The following MYLK4 variants were observed in gnomAD, a reference collection of about 807,000 sequenced individuals.
The protein encoded by MYLK4 is caMLCK like.
MYLK4 carries 46 observed loss-of-function variants against 48.1 expected under a neutral mutation model. The observed-to-expected ratio is 0.96, with a 90% CI of 0.75 to 1.22. The LOEUF is 1.22. MYLK4 is among the 50% of genes most tolerant of loss of function. The pLI is 0.00. For synonymous variants in MYLK4, 170 were observed against 180.8 expected (o/e 0.94, Z 0.48); for missense variants, 451 against 486.1 (o/e 0.93, Z 0.68).
At chr6:2,767,226 G>GA in the MYLK4 span, among the ~76,000 whole-genome samples, 1 of 152,024 alleles carries the variant, frequency 6.6e-6, no homozygotes, top group Non-Finnish European at 1.5e-5. Flanking sequence ...AAACACTTGA[G>GA]AAAAAAATGG....
At chr6:2,677,029 A>G (rs928235785) in intron 10 of MYLK4, among the ~76,000 whole-genome samples, 2 of 152,074 alleles carry the variant, frequency 1.3e-5, no homozygotes. Context: ...GCACAATACT[A>G]GCCAAGGTTA....
chr6:2,717,505 T>C (rs916589277), intron 2 of MYLK4, among the ~76,000 whole-genome samples: 3 of 152,142 alleles, frequency 2.0e-5, no homozygotes, highest in Admixed American at 6.5e-5. Context: ...ACCCCCTAAG[T>C]GGGGCTGGTC....
At chr6:2,719,948 G>A (rs573525184) in intron 2 of MYLK4, among the ~76,000 whole-genome samples, 1 of 152,028 alleles carries the variant, frequency 6.6e-6, no homozygotes, top group African/African-American at 2.4e-5. Flanking sequence ...GACCAGCCTG[G>A]TGAACATGGC....
rs56959282 is a variant in MYLK4, at chr6:2,699,287, C to CTTTT, written c.160-6432_160-6429dup. Among the ~76,000 whole-genome samples, 394 of 77,854 alleles carry CTTTT rather than the reference C, an allele frequency of 5.1e-3. 51 individuals carry two copies. Among genetic ancestry groups the CTTTT allele is most frequent in the African/African-American group, 0.018 (328 of 18,172 alleles). 51.1% of individuals were successfully genotyped at this position (77,854 alleles called of 152,430 possible). A position where few individuals can be genotyped will look rare whatever the true frequency, so the allele number is the denominator to read the frequency against. On this transcript the variant is annotated intron_variant, in intron 2 of 12. Coordinates refer to ENST00000274643, the MANE Select transcript of MYLK4 (RefSeq NM_001012418.5). ...CATGCTACCACTTTTCTTTTCTTTT[C>CTTTT]TTTTTTTTTTTTTTTTTTTTTTGAT...
intron 2 of MYLK4, chr6:2,744,022 G>C (rs1223866633): frequency 7.5e-6 from 3 of 398,962 alleles, no homozygotes; most frequent in Non-Finnish European, 1.3e-5. Flanking sequence ...CTTTTCTTCT[G>C]AGTGTGAAGT....
At chr6:2,710,062 A>T (rs564094246) in intron 2 of MYLK4, among the ~76,000 whole-genome samples, 1 of 152,352 alleles carries the variant, frequency 6.6e-6, no homozygotes, top group East Asian at 1.9e-4. Flanking sequence ...GGAATAAAAC[A>T]TAAATAAAAC....
At chr6:2,767,579 A>G in the MYLK4 span, among the ~76,000 whole-genome samples, 108 of 152,364 alleles carry the variant, frequency 7.1e-4, no homozygotes, top group Middle Eastern at 0.027. Flanking sequence ...TCTTATGATG[A>G]TGGTGGTCGA....
At chr6:2,719,390 A>G (rs1439077311) in intron 2 of MYLK4, among the ~76,000 whole-genome samples, 19 of 152,182 alleles carry the variant, frequency 1.2e-4, no homozygotes, top group Admixed American at 1.2e-3. Flanking sequence ...GCACACAAAC[A>G]TCTCATGTTT....
At chr6:2,769,612 G>A in the MYLK4 span, among the ~76,000 whole-genome samples, 2 of 152,022 alleles carry the variant, frequency 1.3e-5, no homozygotes, top group African/African-American at 4.8e-5. Context: ...CTGACGAGGC[G>A]TTAGCATTCT....
In MYLK4 at chr6:2,668,106, A is replaced by AT. The variant is rs57839277; in HGVS notation, c.*26-208dup. Among the ~76,000 whole-genome samples, 29 of 150,772 alleles carry AT rather than the reference A, an allele frequency of 1.9e-4. No individual in the cohort carries two copies. The South Asian group carries it at 5.0e-3, about 26-fold the overall frequency. ...TTTTATTTTTCAGTTTGTGCAAGAC[A>AT]TTTTTTTTTTCTTTCCAACTTTTAT... is the stretch of plus-strand genomic sequence containing the variant. On this transcript the variant is annotated intron_variant, in intron 12 of 12. Coordinates refer to ENST00000274643, the MANE Select transcript of MYLK4 (RefSeq NM_001012418.5).
chr6:2,746,198 C>T (rs1364184031), intron 2 of MYLK4, among the ~76,000 whole-genome samples: 1 of 150,386 alleles, frequency 6.6e-6, no homozygotes. Context: ...ACCTGGGAGA[C>T]GGAGGTTGCA....
chr6:2,668,217 C>T (rs941796459), intron 12 of MYLK4, among the ~76,000 whole-genome samples: 1 of 152,056 alleles, frequency 6.6e-6, no homozygotes, highest in Non-Finnish European at 1.5e-5. Context: ...TATTGAAGGA[C>T]AAGGCCTCTT....
At chr6:2,706,380 A>G (rs955659170) in intron 2 of MYLK4, among the ~76,000 whole-genome samples, 9 of 152,174 alleles carry the variant, frequency 5.9e-5, no homozygotes, top group Non-Finnish European at 1.5e-5. Flanking sequence ...AAAACCCCAC[A>G]AAAGAACAAA....
At chr6:2,677,163 T>C (rs956676951) in intron 10 of MYLK4, among the ~76,000 whole-genome samples, 3 of 152,180 alleles carry the variant, frequency 2.0e-5, no homozygotes, top group African/African-American at 7.2e-5. Context: ...TTTTATTACA[T>C]CTTTTTAAAA....
At position 2,679,394 on chromosome 6, in the gene MYLK4, T is replaced by G. The variant is rs545014932; in HGVS notation, c.773A>C (p.Glu258Ala). The G allele has an allele frequency of 1.4e-4, 232 of 1,614,166 alleles. 4 individuals carry two copies. In the South Asian group the frequency reaches 2.4e-3, roughly 17 times the overall value. The change falls in exon 9 of 13, where the codon GAG becomes GCG. Residue 258 changes from glutamate (E) to alanine (A), a missense_variant. Coordinates refer to ENST00000274643, the MANE Select transcript of MYLK4 (RefSeq NM_001012418.5). ...GGTTCCAAAGTTCACCTTCAGCTTCTCTCTGGGTTTGTATCTGCAATTTAA... is the reference window on the plus strand; with the variant it reads ...GGTTCCAAAGTTCACCTTCAGCTTCGCTCTGGGTTTGTATCTGCAATTTAA... ...FGLARRYKPR[E>A]KLKVNFGTPE...
chr6:2,668,078 G>C (rs936116557), intron 12 of MYLK4, among the ~76,000 whole-genome samples, 179 bp from the exon 13 acceptor site: 5 of 151,392 alleles, frequency 3.3e-5, no homozygotes, highest in South Asian at 2.1e-4. Context: ...CCAGAGTTGG[G>C]CTTTTTATTT....
At chr6:2,757,827 T>G in the MYLK4 span, among the ~76,000 whole-genome samples, 8 of 152,232 alleles carry the variant, frequency 5.3e-5, no homozygotes, top group Admixed American at 2.6e-4. Flanking sequence ...TCCATTTTTC[T>G]AAAATAAACA....
At chr6:2,714,308 C>G (rs1193690779) in intron 2 of MYLK4, among the ~76,000 whole-genome samples, 4 of 152,252 alleles carry the variant, frequency 2.6e-5, no homozygotes, top group Non-Finnish European at 2.9e-5. Context: ...GTTACCCCCG[C>G]TTCTTAGAAA....
At chr6:2,765,381 C>G in the MYLK4 span, 1 of 351,308 alleles carries the variant, frequency 2.8e-6, no homozygotes, top group Non-Finnish European at 4.8e-6. Flanking sequence ...CCGGGGCAAA[C>G]GGCCACGAAC....
Sources: gnomAD v4.1 joint callset for allele counts (sites outside exome capture counted in the v4.1 genomes callset) on GRCh38, gnomAD v4.1.1 for gene constraint, MANE v1.5 for transcripts, NCBI Gene and HGNC (gene_info 2026-07-23, HGNC 2026-07-21) for gene names.